The following CENPP variants were observed in gnomAD, a reference collection of about 807,000 sequenced individuals.
The protein encoded by CENPP is centromere protein P.
In CENPP, 24 loss-of-function variants were observed where a neutral mutation model predicts 35.6. The observed-to-expected ratio is 0.67, with a 90% confidence interval of 0.49 to 0.95. The LOEUF (loss-of-function observed/expected upper bound fraction) is 0.95. Ranked by LOEUF, CENPP falls within the 40% of genes least tolerant of loss-of-function variation. CENPP has a pLI of 0.00. For synonymous variants in CENPP, 120 were observed against 125.5 expected (o/e 0.96, Z 0.29); for missense variants, 332 against 345.3 (o/e 0.96, Z 0.31).
In CENPP at chr9:92,375,891, T is replaced by C. The variant is rs550663385; in HGVS notation, c.468-3872T>C. Among the ~76,000 whole-genome samples, 5 of 152,226 alleles carry C rather than the reference T, an allele frequency of 3.3e-5. No individual in the cohort carries two copies. The South Asian group carries it at 8.3e-4, about 25-fold the overall frequency. On this transcript the variant is annotated intron_variant, in intron 4 of 7. Transcript: ENST00000375587. ...TTTCCTATGACTGGGCCATATTTTCTTGTTTCTTTGCATGCTTAGTTTTTT... is the reference window on the plus strand; with the variant it reads ...TTTCCTATGACTGGGCCATATTTTCCTGTTTCTTTGCATGCTTAGTTTTTT...
chr9:92,476,043 G>A lies in CENPP; in HGVS notation c.564+96184G>A, dbSNP rs946855305. Among the ~76,000 whole-genome samples, 2 of 152,088 alleles carry A rather than the reference G, an allele frequency of 1.3e-5. No individual in the cohort carries two copies. Among genetic ancestry groups the A allele is most frequent in the Admixed American group, 1.3e-4 (2 of 15,272 alleles). On this transcript the variant is annotated intron_variant, in intron 5 of 7. Transcript: ENST00000375587. The surrounding 1 kb of genome is among the most constrained non-coding windows in gnomAD (Gnocchi z 4.1). Reference sequence around the variant, plus strand: ...CATTATGAAATTATTCAAAATAGATGCATCCTAGAGATGCTCACTGGTGAA... The same window carrying A: ...CATTATGAAATTATTCAAAATAGATACATCCTAGAGATGCTCACTGGTGAA...
intron 5 of CENPP, among the ~76,000 whole-genome samples, chr9:92,471,077 C>A (rs1845494964): frequency 6.6e-6 from 1 of 152,114 alleles, no homozygotes; most frequent in South Asian, 2.1e-4. Context: ...GAGAAGGTGA[C>A]CAACCACTGA....
At chr9:92,603,719 C>T (rs1850992564) in intron 5 of CENPP, among the ~76,000 whole-genome samples, 1 of 152,140 alleles carries the variant, frequency 6.6e-6, no homozygotes, top group African/African-American at 2.4e-5. Context: ...ACCCCACATC[C>T]AGCAAGCCCT....
chr9:92,571,225 A>T (rs1486868320), intron 5 of CENPP, among the ~76,000 whole-genome samples: 1 of 151,828 alleles, frequency 6.6e-6, no homozygotes, highest in Non-Finnish European at 1.5e-5. Flanking sequence ...TTAGTGCTAT[A>T]AATTTCGCTC....
At chr9:92,551,923 G>GTATATATATA (rs1169591998) in intron 5 of CENPP, among the ~76,000 whole-genome samples, 1 of 59,144 alleles carries the variant, frequency 1.7e-5, no homozygotes, top group Non-Finnish European at 3.2e-5. Context: ...TATGGTGTGT[G>GTATATATATA]TGTATATATA....
At chr9:92,571,290 C>T (rs1399674037) in intron 5 of CENPP, among the ~76,000 whole-genome samples, 2 of 152,144 alleles carry the variant, frequency 1.3e-5, no homozygotes, top group African/African-American at 4.8e-5. Context: ...TCTTTGTTCT[C>T]ATTGGTTTCA....
intron 5 of CENPP, among the ~76,000 whole-genome samples, chr9:92,552,153 A>C (rs1049095549): frequency 1.4e-5 from 2 of 141,958 alleles, no homozygotes; most frequent in South Asian, 4.5e-4. Context: ...GATATGATAG[A>C]TCTATCATAT....
intron 5 of CENPP, among the ~76,000 whole-genome samples, chr9:92,579,061 C>G (rs1850354338): frequency 6.6e-6 from 1 of 150,712 alleles, no homozygotes; most frequent in Non-Finnish European, 1.5e-5. Context: ...ATAGGGAATC[C>G]TTTCCCCATT....
At chr9:92,576,241 G>A (rs2131360796) in intron 5 of CENPP, among the ~76,000 whole-genome samples, 1 of 152,286 alleles carries the variant, frequency 6.6e-6, no homozygotes, top group Non-Finnish European at 1.5e-5. Context: ...AAGTGATATA[G>A]CCAGTCACAA....
At chr9:92,328,070 T>G (rs963600367) in intron 1 of CENPP, among the ~76,000 whole-genome samples, 3 of 152,138 alleles carry the variant, frequency 2.0e-5, no homozygotes, top group African/African-American at 7.2e-5. Flanking sequence ...AAGGTTTCTT[T>G]GGGGTCCCCT....
At chr9:92,579,038 C>T (rs1375110400) in intron 5 of CENPP, among the ~76,000 whole-genome samples, 2 of 150,964 alleles carry the variant, frequency 1.3e-5, no homozygotes, top group Non-Finnish European at 3.0e-5. Flanking sequence ...GTTTTCCCAG[C>T]ACCATTTATT....
chr9:92,363,287 ATAT>A (rs1841807545), intron 4 of CENPP, among the ~76,000 whole-genome samples: 1 of 152,174 alleles, frequency 6.6e-6, no homozygotes, highest in South Asian at 2.1e-4. Context: ...GATTCATATA[ATAT>A]TCATGTGCAC....
chr9:92,555,961 C>T (rs1849715300), intron 5 of CENPP, among the ~76,000 whole-genome samples: 1 of 152,030 alleles, frequency 6.6e-6, no homozygotes, highest in African/African-American at 2.4e-5. Flanking sequence ...TCTTGTTTCT[C>T]TAGTTCCTTG....
At chr9:92,581,635 G>A (rs1399828695) in intron 5 of CENPP, among the ~76,000 whole-genome samples, 1 of 152,178 alleles carries the variant, frequency 6.6e-6, no homozygotes, top group African/African-American at 2.4e-5. Context: ...GAGAATGTTA[G>A]ATTAAATAGA....
intron 5 of CENPP, among the ~76,000 whole-genome samples, chr9:92,473,292 T>A (rs1261662528): frequency 6.6e-6 from 1 of 152,020 alleles, no homozygotes; most frequent in African/African-American, 2.4e-5. Context: ...CACGTGGGGG[T>A]GGTCTGCACT....
At chr9:92,401,884 G>A (rs1843128316) in intron 5 of CENPP, among the ~76,000 whole-genome samples, 2 of 152,048 alleles carry the variant, frequency 1.3e-5, no homozygotes, top group South Asian at 4.2e-4. Flanking sequence ...TCTGTCCTTT[G>A]TAAGCATGTT....
At chr9:92,464,428 A>G (rs1375567013) in intron 5 of CENPP, among the ~76,000 whole-genome samples, 1 of 152,212 alleles carries the variant, frequency 6.6e-6, no homozygotes, top group Non-Finnish European at 1.5e-5. Flanking sequence ...TAGTCTTCAC[A>G]GTACACCTGG....
At chr9:92,527,286 C>G (rs994343408) in intron 5 of CENPP, among the ~76,000 whole-genome samples, 1 of 152,186 alleles carries the variant, frequency 6.6e-6, no homozygotes, top group Non-Finnish European at 1.5e-5. Context: ...GCTAGGATTA[C>G]AGGCATGAGC....
At chr9:92,551,962 A>ATG (rs377567724) in intron 5 of CENPP, among the ~76,000 whole-genome samples, 5 of 112,860 alleles carry the variant, frequency 4.4e-5, no homozygotes, top group African/African-American at 2.0e-4. Context: ...TGATATATAT[A>ATG]TGTGTGATAT....
Sources: allele counts gnomAD v4.1 joint callset (sites outside exome capture counted in the v4.1 genomes callset), GRCh38; gene constraint gnomAD v4.1.1; non-coding constraint Gnocchi (gnomAD v3.1); transcripts MANE v1.5; gene names NCBI Gene and HGNC (gene_info 2026-07-23, HGNC 2026-07-21).